The following AGO4 variants were observed in gnomAD, a reference collection of about 807,000 sequenced individuals.
AGO4 encodes the protein protein argonaute-4.
In AGO4, 33 loss-of-function variants were observed where a neutral mutation model predicts 104.7. That is an observed-to-expected ratio of 0.32 (90% CI 0.24 to 0.42). The LOEUF (loss-of-function observed/expected upper bound fraction) is 0.42. Ranked by LOEUF, AGO4 falls within the 10% of genes least tolerant of loss-of-function variation. AGO4 has a pLI of 1.00. For synonymous variants in AGO4, 331 were observed against 364.7 expected (o/e 0.91, Z 1.05); for missense variants, 711 against 1,083.4 (o/e 0.66, Z 4.83).
chr1:35,850,528 C>T (rs556173872), intron 16 of AGO4, among the ~76,000 whole-genome samples: 8 of 151,978 alleles, frequency 5.3e-5, no homozygotes, highest in Admixed American at 5.2e-4. Flanking sequence ...GCTTGTAATC[C>T]AATCACTTTG....
Position 35,825,800 on chromosome 1 carries a change from A to G in AGO4, c.610A>G (p.Met204Val). Residue 204 changes from methionine (M) to valine (V), a missense_variant, in exon 5 of 18, where the codon ATG becomes GTG. Around this residue, in one of 3 missense-constraint regions of AGO4, gnomAD observed 308 missense variants for 397.8 expected, o/e 0.77. Coordinates refer to ENST00000373210, the MANE Select transcript of AGO4 (RefSeq NM_017629.4). ...QSVRPAMWNM[M>V]LNIDVSATAF... ...TGTGAGACCTGCCATGTGGAATATG[A>G]TGCTCAACATTGATGGTAGGATGGA... The G allele has an allele frequency of 6.3e-7, 1 of 1,587,738 alleles. No individual in the cohort carries two copies. The highest frequency in any genetic ancestry group is 8.6e-7 in the Non-Finnish European group (1 of 1,169,174).
intron 1 of AGO4, among the ~76,000 whole-genome samples, chr1:35,812,580 A>G (rs1643545029): frequency 6.6e-6 from 1 of 151,642 alleles, no homozygotes; most frequent in Non-Finnish European, 1.5e-5. Flanking sequence ...ATAAAGCTAT[A>G]TTTCTTACAA....
At position 35,825,329 on chromosome 1, in the gene AGO4, C is replaced by T. The variant is rs1349896330; in HGVS notation, c.323C>T (p.Thr108Ile). The T allele has an allele frequency of 2.5e-6, 4 of 1,613,778 alleles. No individual in the cohort carries two copies. In the African/African-American group the frequency reaches 5.3e-5, roughly 22 times the overall value. The change falls in exon 4 of 18, where the codon ACT (threonine) becomes ATT (isoleucine). Residue 108 changes from threonine to isoleucine, a missense_variant. Physicochemically the swap from Thr to Ile is moderately conservative, Grantham distance 89. Around this residue, in one of 3 missense-constraint regions of AGO4, gnomAD observed 308 missense variants for 397.8 expected, o/e 0.77. Transcript: ENST00000373210. Reference protein sequence around the residue: ...IGRDRVDMEVTLPGEGKDQTF... With the variant: ...IGRDRVDMEVILPGEGKDQTF... ...TTTCCTTAGGTTGATATGGAGGTGA[C>T]TCTTCCAGGCGAGGGTAAAGACCAA... is the stretch of plus-strand genomic sequence containing the variant.
intron 10 of AGO4, 94 bp from the exon 11 acceptor site, chr1:35,832,343 A>G: frequency 1.3e-6 from 2 of 1,491,312 alleles, no homozygotes; most frequent in Non-Finnish European, 1.8e-6. Flanking sequence ...TTGTTTATTC[A>G]CTAGTCAATA....
chr1:35,851,575 G>A (rs139161663), intron 17 of AGO4, among the ~76,000 whole-genome samples: 356 of 152,310 alleles, frequency 2.3e-3, no homozygotes, highest in African/African-American at 8.3e-3. Context: ...CTATTCCTGA[G>A]CTACTATTAA....
Position 35,843,659 on chromosome 1 carries a change from GA to G in AGO4, c.2175+1919del, listed in dbSNP as rs144999685. On this transcript the variant is annotated intron_variant, in intron 15 of 17. Transcript: ENST00000373210. ...AATAAATAAATAAAAGATATGCTGT[GA>G]AAAAAAAAATAGTACTTCTTAGACT... Among the ~76,000 whole-genome samples, 1,087 of 148,780 alleles carry G rather than the reference GA, an allele frequency of 7.3e-3. 18 individuals are homozygous for G. The highest frequency in any genetic ancestry group is 0.023 in the African/African-American group (944 of 40,672).
chr1:35,843,322 TC>T (rs1047029808), intron 15 of AGO4, among the ~76,000 whole-genome samples: 1 of 152,156 alleles, frequency 6.6e-6, no homozygotes, highest in Non-Finnish European at 1.5e-5. Context: ...TGCTTCGGCC[TC>T]CCAAAGTGCT....
At position 35,857,221 on chromosome 1, in the gene AGO4, A is replaced by G. The variant is rs891812011; in HGVS notation, c.*3616A>G. Reference sequence around the variant, plus strand: ...CTGTGATATTTTCTTGCTCAATAGCAAGGTGGTAGCTCTGCTTTCATTTTA... The same window carrying G: ...CTGTGATATTTTCTTGCTCAATAGCGAGGTGGTAGCTCTGCTTTCATTTTA... On this transcript the variant is annotated 3_prime_UTR_variant, in exon 18 of 18. Coordinates refer to ENST00000373210, the MANE Select transcript of AGO4 (RefSeq NM_017629.4). The G allele has an allele frequency of 6.6e-6, 1 of 152,202 alleles. No homozygotes were observed. The highest frequency in any genetic ancestry group is 1.5e-5 in the Non-Finnish European group (1 of 68,032). 9.4% of individuals were successfully genotyped at this position (152,202 alleles called of 1,614,324 possible). A position where few individuals can be genotyped will look rare whatever the true frequency, so the allele number is the denominator to read the frequency against.
intron 3 of AGO4, 112 bp downstream of exon 3, chr1:35,823,094 A>G: frequency 7.8e-7 from 1 of 1,289,394 alleles, no homozygotes; most frequent in African/African-American, 1.5e-5. Context: ...TGAGGTGATG[A>G]TATCCTAATT....
upstream of AGO4, among the ~76,000 whole-genome samples, chr1:35,807,897 C>A (rs1406389224): frequency 6.6e-6 from 1 of 152,018 alleles, no homozygotes; most frequent in African/African-American, 2.4e-5. Context: ...GGGGGGATGG[C>A]ACGTAGCCCC....
At chr1:35,832,848 T>C (rs1277840612) in intron 11 of AGO4, among the ~76,000 whole-genome samples, 1 of 152,196 alleles carries the variant, frequency 6.6e-6, no homozygotes, top group Non-Finnish European at 1.5e-5. Flanking sequence ...GAAGCTTCCT[T>C]TGGTATTAAT....
intron 3 of AGO4, among the ~76,000 whole-genome samples, chr1:35,823,740 A>T (rs533700895): frequency 1.0e-4 from 15 of 143,484 alleles, no homozygotes; most frequent in Middle Eastern, 7.4e-3. Flanking sequence ...CTTAATTTTT[A>T]TTATTATTAT....
At chr1:35,837,942 G>A (rs1644353238) in intron 13 of AGO4, among the ~76,000 whole-genome samples, 1 of 151,298 alleles carries the variant, frequency 6.6e-6, no homozygotes, top group Non-Finnish European at 1.5e-5. Flanking sequence ...GAGTGCAGTG[G>A]GGCAATCATG....
intron 2 of AGO4, among the ~76,000 whole-genome samples, chr1:35,817,782 T>A (rs1164282197): frequency 6.6e-6 from 1 of 152,246 alleles, no homozygotes. Flanking sequence ...TTTCTCATTA[T>A]GGATCAAAAT....
At position 35,808,149 on chromosome 1, in the gene AGO4, G is replaced by GGCTCCC. The variant is rs573836726; in HGVS notation, c.-254_-249dup. 7.6e-5 allele frequency: 12 copies of GGCTCCC among 157,510 alleles called. No homozygotes were observed. The highest frequency in any genetic ancestry group is 1.7e-4 in the South Asian group (1 of 5,774). 9.8% of individuals were successfully genotyped at this position (157,510 alleles called of 1,614,324 possible). A position where few individuals can be genotyped will look rare whatever the true frequency, so the allele number is the denominator to read the frequency against. On this transcript the variant is annotated 5_prime_UTR_variant, in exon 1 of 18. Transcript: ENST00000373210. The surrounding 1 kb of genome is among the most constrained non-coding windows in gnomAD (Gnocchi z 5.2). ...TTCCCTCCCGGCGGGCGCGCGCGCT[G>GGCTCCC]GCTCCCGCTCCCGCTCCCGTTGGCG...
chr1:35,836,479 G>A (rs1018356366), intron 13 of AGO4, among the ~76,000 whole-genome samples: 4 of 152,124 alleles, frequency 2.6e-5, no homozygotes, highest in Admixed American at 6.5e-5. Flanking sequence ...ATGCGATCTC[G>A]GCTTACTGCA....
chr1:35,808,866 A>G lies in AGO4; in HGVS notation c.19+431A>G, dbSNP rs955685369. On this transcript the variant is annotated intron_variant, in intron 1 of 17. Coordinates refer to ENST00000373210, the MANE Select transcript of AGO4 (RefSeq NM_017629.4). The surrounding 1 kb of genome is among the most constrained non-coding windows in gnomAD (Gnocchi z 5.2). ...AGTCCTGGTTTGGGGCCGCGCCCCTATTTTTCTTTGCACTGGCAGATGGTC... is the reference window on the plus strand; with the variant it reads ...AGTCCTGGTTTGGGGCCGCGCCCCTGTTTTTCTTTGCACTGGCAGATGGTC... Among the ~76,000 whole-genome samples the G allele has an allele frequency of 1.3e-5, 2 of 152,122 alleles. No homozygotes were observed. The highest frequency in any genetic ancestry group is 2.1e-4 in the South Asian group (1 of 4,828).
rs1643918921 is a variant in AGO4, at chr1:35,822,924, G to A, written c.248G>A (p.Gly83Glu). ...CAAATATTTGGTGATCGGCAGCCTG[G>A]GTATGATGGCAAAAGAAACATGTAC... Reference protein sequence around the residue: ...KMQIFGDRQPGYDGKRNMYTA... With the variant: ...KMQIFGDRQPEYDGKRNMYTA... Residue 83 changes from glycine (G) to glutamate (E), a missense_variant, in exon 3 of 18, where the codon GGG becomes GAG. Gly to Glu is a moderately conservative substitution (Grantham distance 98). Coordinates refer to ENST00000373210, the MANE Select transcript of AGO4 (RefSeq NM_017629.4). 6.2e-7 allele frequency: 1 copy of A among 1,614,004 alleles called. No homozygotes were observed. Among genetic ancestry groups the A allele is most frequent in the Admixed American group, 1.7e-5 (1 of 60,002 alleles).
intron 17 of AGO4, among the ~76,000 whole-genome samples, chr1:35,851,832 A>G (rs565681976): frequency 6.6e-6 from 1 of 152,280 alleles, no homozygotes; most frequent in Non-Finnish European, 1.5e-5. Flanking sequence ...CTGTGTGCCT[A>G]GTACTGTGCT....
Sources: allele counts gnomAD v4.1 joint callset (sites outside exome capture counted in the v4.1 genomes callset), GRCh38; gene constraint gnomAD v4.1.1; regional missense constraint gnomAD v4.1.1; non-coding constraint Gnocchi (gnomAD v3.1); transcripts MANE v1.5; gene names NCBI Gene and HGNC (gene_info 2026-07-23, HGNC 2026-07-21).